The following EPS15 variants were observed in gnomAD, a reference collection of about 807,000 sequenced individuals.
EPS15 encodes the protein epidermal growth factor receptor substrate 15.
In EPS15, 72 loss-of-function variants were observed where a neutral mutation model predicts 113.8. The observed-to-expected ratio is 0.63, with a 90% CI of 0.52 to 0.77. The LOEUF is 0.77. EPS15 is among the 30% of genes least tolerant of loss of function. The pLI is 0.00. For synonymous variants in EPS15, 344 were observed against 363.4 expected, an observed-to-expected ratio of 0.95 and a Z score of 0.61; for missense variants, 1,048 against 1,045.8, an observed-to-expected ratio of 1.00 and a Z score of -0.03.
chr1:51,475,271 T>C (rs1655585309), intron 2 of EPS15, among the ~76,000 whole-genome samples: 1 of 152,220 alleles, frequency 6.6e-6, no homozygotes, highest in Non-Finnish European at 1.5e-5. Flanking sequence ...TCTTCCACAA[T>C]GGTTGAATTA....
intron 1 of EPS15, among the ~76,000 whole-genome samples, chr1:51,489,065 C>G (rs900065658): frequency 6.6e-6 from 1 of 151,742 alleles, no homozygotes; most frequent in Non-Finnish European, 1.5e-5. Flanking sequence ...GCACTCTACA[C>G]CACCTACCCC....
At chr1:51,452,186 CTT>C (rs1283663188) in intron 8 of EPS15, among the ~76,000 whole-genome samples, 1 of 151,920 alleles carries the variant, frequency 6.6e-6, no homozygotes, top group Non-Finnish European at 1.5e-5. Context: ...AGCCCAGTCT[CTT>C]GTTAAATTTT....
chr1:51,409,754 T>C (rs1248201480), intron 13 of EPS15, 58 bp from the exon 14 acceptor site: 10 of 1,200,790 alleles, frequency 8.3e-6, no homozygotes, highest in Admixed American at 6.2e-5. Context: ...AGGGTTAAGT[T>C]AGTAATTTTA....
intron 24 of EPS15, among the ~76,000 whole-genome samples, chr1:51,358,051 A>AC (rs1294413834): frequency 6.6e-6 from 1 of 152,162 alleles, no homozygotes; most frequent in African/African-American, 2.4e-5. Flanking sequence ...ATGGTGGCTG[A>AC]CATCTGTAAT....
intron 8 of EPS15, among the ~76,000 whole-genome samples, chr1:51,456,788 T>A (rs1654027831): frequency 6.6e-6 from 1 of 152,182 alleles, no homozygotes; most frequent in Non-Finnish European, 1.5e-5. Context: ...TTATAATTTT[T>A]AAAAAGAGTA....
chr1:51,501,627 T>C (rs113518234), intron 1 of EPS15, among the ~76,000 whole-genome samples: 4,543 of 151,200 alleles, frequency 0.03, 74 homozygotes, highest in African/African-American at 0.05. Context: ...TACAGGTGTC[T>C]GCCACCACGC....
chr1:51,384,046 G>A (rs917363749), intron 21 of EPS15, among the ~76,000 whole-genome samples: 1 of 152,078 alleles, frequency 6.6e-6, no homozygotes, highest in Non-Finnish European at 1.5e-5. Flanking sequence ...CTTGTATACT[G>A]ACAATACAAT....
chr1:51,463,800 T>C lies in EPS15; in HGVS notation c.376-2A>G. On this transcript the variant is annotated splice_acceptor_variant, in intron 6 of 24. Transcript: ENST00000371733. LOFTEE classifies it high-confidence loss of function. Reference sequence around the variant, plus strand: ...ATCATATTTGGCCTTATCTTCAGGCTACAATAAAAAACAAAATCACAAGTT... The same window carrying C: ...ATCATATTTGGCCTTATCTTCAGGCCACAATAAAAAACAAAATCACAAGTT... 1 of 1,567,188 alleles carries C rather than the reference T, an allele frequency of 6.4e-7. No homozygotes were observed. Among genetic ancestry groups the C allele is most frequent in the South Asian group, 1.2e-5 (1 of 84,512 alleles).
At chr1:51,480,611 T>C (rs1644003692) in intron 2 of EPS15, among the ~76,000 whole-genome samples, 1 of 152,232 alleles carries the variant, frequency 6.6e-6, no homozygotes, top group Non-Finnish European at 1.5e-5. Context: ...CCTCCCAGGT[T>C]CAAGTGATTC....
rs369936507 is a variant in EPS15, at chr1:51,399,288, C to T, written c.1919-123G>A. On this transcript the variant is annotated intron_variant, in intron 19 of 24. Transcript: ENST00000371733. ...GTCTGGGGCCAGGTGCAGTGGCTCA[C>T]GTCTGCATTCCCACCACTTTGGGAG... The T allele has an allele frequency of 1.1e-4, 88 of 804,190 alleles. 1 individual carries two copies. The South Asian group carries it at 1.3e-3, about 12-fold the overall frequency. The allele number at this position is 804,190 out of a possible 1,614,324, so 49.8% of individuals were successfully genotyped here. A position where few individuals can be genotyped will look rare whatever the true frequency, so the allele number is the denominator to read the frequency against.
intron 1 of EPS15, among the ~76,000 whole-genome samples, chr1:51,510,044 T>G (rs1161202713): frequency 2.6e-5 from 4 of 152,260 alleles, no homozygotes; most frequent in Non-Finnish European, 5.9e-5. Flanking sequence ...GTTTTGTTTT[T>G]GTAAAACAGG....
chr1:51,475,989 G>A (rs1189194837), intron 2 of EPS15, among the ~76,000 whole-genome samples: 3 of 152,164 alleles, frequency 2.0e-5, no homozygotes, highest in African/African-American at 4.8e-5. Flanking sequence ...TCAGATGACT[G>A]TAGATGTGTG....
intron 11 of EPS15, 49 bp from the exon 12 acceptor site, chr1:51,440,481 A>G (rs1413967860): frequency 4.6e-6 from 4 of 869,860 alleles, no homozygotes; most frequent in Non-Finnish European, 7.1e-6. Flanking sequence ...ATTAGGTAAT[A>G]TAAGACAAAA....
At chr1:51,384,541 T>C (rs950220302) in intron 21 of EPS15, among the ~76,000 whole-genome samples, 3 of 151,850 alleles carry the variant, frequency 2.0e-5, no homozygotes, top group Admixed American at 6.6e-5. Flanking sequence ...AACTCAGTCA[T>C]TGGCCAGGCT....
chr1:51,368,299 C>T (rs1646554787), intron 21 of EPS15, among the ~76,000 whole-genome samples: 1 of 152,068 alleles, frequency 6.6e-6, no homozygotes, highest in Admixed American at 6.6e-5. Context: ...TTTTTGTTTG[C>T]TTTGTCACCA....
chr1:51,374,522 T>C (rs947979709), intron 21 of EPS15, among the ~76,000 whole-genome samples: 4 of 152,084 alleles, frequency 2.6e-5, no homozygotes, highest in African/African-American at 9.7e-5. Context: ...GAGAATCGCT[T>C]GAACCTGGGA....
intron 1 of EPS15, among the ~76,000 whole-genome samples, chr1:51,511,327 T>C (rs1401726421): frequency 6.6e-6 from 1 of 150,636 alleles, no homozygotes; most frequent in Non-Finnish European, 1.5e-5. Context: ...AATCCATCTG[T>C]ACTAAAAATA....
In EPS15 at chr1:51,444,993, A is replaced by G; in HGVS notation, c.850T>C (p.Leu284=). The G allele has an allele frequency of 6.2e-7, 1 of 1,614,048 alleles. No homozygotes were observed. Among genetic ancestry groups the G allele is most frequent in the Non-Finnish European group, 8.5e-7 (1 of 1,179,924 alleles). Residue 284 remains leucine (L), a synonymous_variant, in exon 11 of 25, where the codon TTG becomes CTG. Transcript: ENST00000371733. ...TTCTGACTGATTAAGTGAAAAGCCA[A>G]GGCAAACTGATCCTTTGAAAGCTTC... The part of the protein sequence containing the change: ...CGKLSKDQFA[L]AFHLISQKLI...
At chr1:51,414,485 T>C (rs955867904) in intron 13 of EPS15, among the ~76,000 whole-genome samples, 4 of 152,148 alleles carry the variant, frequency 2.6e-5, no homozygotes, top group Admixed American at 6.5e-5. Flanking sequence ...AATTATTATA[T>C]AGGTTTATAT....
Sources: gnomAD v4.1 joint callset for allele counts (sites outside exome capture counted in the v4.1 genomes callset) on GRCh38, gnomAD v4.1.1 for gene constraint, MANE v1.5 for transcripts, NCBI Gene and HGNC (gene_info 2026-07-23, HGNC 2026-07-21) for gene names.